The following TSPAN9 variants were observed in gnomAD, a reference collection of about 807,000 sequenced individuals.
TSPAN9 encodes tetraspanin 9.
In TSPAN9, 16 loss-of-function variants were observed where a neutral mutation model predicts 31.0. The ratio of observed to expected loss-of-function variants is 0.52; its 90% CI spans 0.35 to 0.78. The LOEUF is 0.78. Ranked by LOEUF, TSPAN9 falls within the 30% of genes least tolerant of loss-of-function variation. The pLI is 0.01. For missense variants in TSPAN9, 272 were observed against 312.5 expected, an observed-to-expected ratio of 0.87 and a Z score of 0.98; for synonymous variants, 145 against 121.6, an observed-to-expected ratio of 1.19 and a Z score of -1.27.
At chr12:3,278,215 G>C (rs1309832914) in intron 3 of TSPAN9, among the ~76,000 whole-genome samples, 2 of 152,220 alleles carry the variant, frequency 1.3e-5, no homozygotes, top group Non-Finnish European at 2.9e-5. Flanking sequence ...CACATGGGGA[G>C]ACTGAGGCAC....
intron 2 of TSPAN9, among the ~76,000 whole-genome samples, chr12:3,190,937 CTCACAATTTGGGAGCGGGGGAAGG>C (rs2098364049): frequency 6.6e-6 from 1 of 152,196 alleles, no homozygotes. Context: ...ATTCAAGGAG[CTCACAATTTGGGAGCGGGGGAAGG>C]TCAGGGAACA....
intron 2 of TSPAN9, 57 bp from the exon 3 acceptor site, chr12:3,201,120 C>G (rs1031343593): frequency 1.6e-5 from 24 of 1,499,976 alleles, no homozygotes; most frequent in Non-Finnish European, 1.8e-5. Context: ...TGCAATGCAC[C>G]CAAAGGCAGC....
chr12:3,134,519 T>C (rs1225640749), intron 2 of TSPAN9, among the ~76,000 whole-genome samples: 1 of 152,200 alleles, frequency 6.6e-6, no homozygotes, highest in Non-Finnish European at 1.5e-5. Context: ...CTGCCTCATA[T>C]CTGCAAGGGT....
intron 1 of TSPAN9, among the ~76,000 whole-genome samples, chr12:3,082,367 G>A (rs1359806466): frequency 6.6e-6 from 1 of 152,216 alleles, no homozygotes; most frequent in Non-Finnish European, 1.5e-5. Context: ...TGGAGGAGAG[G>A]TTGGGCAGGT....
At chr12:3,178,892 T>C (rs1219389994) in intron 2 of TSPAN9, among the ~76,000 whole-genome samples, 1 of 152,216 alleles carries the variant, frequency 6.6e-6, no homozygotes, top group East Asian at 1.9e-4. Context: ...TGATGGACAA[T>C]GGTGGAGACA....
chr12:3,206,812 C>T (rs2098375499), intron 3 of TSPAN9, among the ~76,000 whole-genome samples: 1 of 152,050 alleles, frequency 6.6e-6, no homozygotes, highest in Admixed American at 6.6e-5. Flanking sequence ...AATGGAGTAA[C>T]TAATACTGCG....
chr12:3,079,065 C>T (rs191582672), intron 1 of TSPAN9, among the ~76,000 whole-genome samples: 353 of 151,700 alleles, frequency 2.3e-3, no homozygotes, highest in Non-Finnish European at 4.2e-3. Flanking sequence ...CTGCAACCCC[C>T]GCGTCCCAGG....
chr12:3,189,382 T>C (rs2098363143), intron 2 of TSPAN9, among the ~76,000 whole-genome samples: 2 of 152,176 alleles, frequency 1.3e-5, no homozygotes, highest in African/African-American at 4.8e-5. Flanking sequence ...AGTATTTGTG[T>C]TTAAATCCCT....
intron 3 of TSPAN9, among the ~76,000 whole-genome samples, chr12:3,212,856 C>G (rs1268699587): frequency 6.6e-6 from 1 of 152,090 alleles, no homozygotes; most frequent in Non-Finnish European, 1.5e-5. Context: ...GGCAGGCTCT[C>G]CAGGGACTAT....
intron 2 of TSPAN9, among the ~76,000 whole-genome samples, chr12:3,145,277 C>T (rs1238517039): frequency 6.6e-6 from 1 of 152,212 alleles, no homozygotes; most frequent in Non-Finnish European, 1.5e-5. Context: ...TCAAGGCTCT[C>T]TCCCGTTGTG....
At chr12:3,133,039 A>G (rs982618847) in intron 2 of TSPAN9, among the ~76,000 whole-genome samples, 4 of 152,242 alleles carry the variant, frequency 2.6e-5, no homozygotes, top group Admixed American at 2.6e-4. Flanking sequence ...TGAAGGCACC[A>G]TTTTATGTCT....
intron 2 of TSPAN9, among the ~76,000 whole-genome samples, chr12:3,108,247 A>C (rs918768023): frequency 4.6e-5 from 7 of 152,134 alleles, no homozygotes; most frequent in African/African-American, 9.7e-5. Flanking sequence ...CATAGTAGGT[A>C]CTCTGTGAAT....
intron 3 of TSPAN9, among the ~76,000 whole-genome samples, chr12:3,271,093 A>G (rs1371716962): frequency 2.0e-5 from 3 of 152,236 alleles, no homozygotes; most frequent in Admixed American, 6.5e-5. Context: ...GCTTTATGTA[A>G]TGTTTATTTG....
intron 2 of TSPAN9, among the ~76,000 whole-genome samples, chr12:3,162,914 T>C (rs2098346200): frequency 6.6e-6 from 1 of 151,972 alleles, no homozygotes; most frequent in Non-Finnish European, 1.5e-5. Context: ...AGTGTCAAGG[T>C]AGGGGCAGCA....
intron 3 of TSPAN9, among the ~76,000 whole-genome samples, chr12:3,218,876 C>T (rs1206546891): frequency 6.6e-6 from 1 of 152,256 alleles, no homozygotes; most frequent in Non-Finnish European, 1.5e-5. Context: ...TCCTTTACCC[C>T]CCGGCAATCC....
intron 2 of TSPAN9, among the ~76,000 whole-genome samples, chr12:3,146,142 G>A (rs1030309500): frequency 3.9e-5 from 6 of 152,242 alleles, no homozygotes; most frequent in African/African-American, 1.2e-4. Flanking sequence ...TGGGCCAGGC[G>A]ATCTTTGAGG....
At chr12:3,230,417 G>A (rs757927050) in intron 3 of TSPAN9, among the ~76,000 whole-genome samples, 4 of 151,968 alleles carry the variant, frequency 2.6e-5, no homozygotes, top group South Asian at 2.1e-4. Flanking sequence ...GCATCTCACC[G>A]TCTCCTTTTT....
At chr12:3,141,972 C>T (rs1327736611) in intron 2 of TSPAN9, among the ~76,000 whole-genome samples, 3 of 152,212 alleles carry the variant, frequency 2.0e-5, no homozygotes, top group Non-Finnish European at 1.5e-5. Flanking sequence ...CTCTGTCTGG[C>T]GCTTTCCCAT....
chr12:3,245,255 C>A (rs551108259), intron 3 of TSPAN9, among the ~76,000 whole-genome samples: 7 of 152,218 alleles, frequency 4.6e-5, no homozygotes, highest in Non-Finnish European at 8.8e-5. Flanking sequence ...GGTGGAGCAG[C>A]CCTGGAAGGT....
Sources: allele counts gnomAD v4.1 joint callset (sites outside exome capture counted in the v4.1 genomes callset), GRCh38; gene constraint gnomAD v4.1.1; transcripts MANE v1.5; gene names NCBI Gene and HGNC (gene_info 2026-07-23, HGNC 2026-07-21).